Variants in NFIX observed in about 807,000 individuals in gnomAD.
NFIX encodes the protein nuclear factor I X, also known as nuclear factor 1 X-type.
NFIX carries 2 observed loss-of-function variants against 53.3 expected under a neutral mutation model. That is an observed-to-expected ratio of 0.04 (90% CI 0.02 to 0.12). The LOEUF is 0.12. Among genes scored for constraint, NFIX ranks in the 10% least tolerant of loss-of-function variants. The probability of loss-of-function intolerance (pLI) is 1.00; values close to 1 mark genes in which losing one functional copy is unlikely to be tolerated. For missense variants in NFIX, 310 were observed against 674.5 expected, an observed-to-expected ratio of 0.46 and a Z score of 5.99; for synonymous variants, 244 against 289.0, an observed-to-expected ratio of 0.84 and a Z score of 1.58.
rs554306175 is a variant in NFIX at position 13,045,722 on chromosome 19, C to A, written c.559+20170C>A. On this transcript the variant is annotated intron_variant, in intron 2 of 10. Coordinates refer to ENST00000592199, the MANE Select transcript of NFIX (RefSeq NM_001365902.3). This position sits in a 1 kb window ranked among gnomAD's most constrained non-coding sequence, Gnocchi z 4.4. ...ATGGCGGGCATCAGGGGACCACAGG[C>A]TGTGGTTGCGCCTGTCCGTTCTCCC... Among the ~76,000 whole-genome samples, 8 of 152,282 alleles carry A rather than the reference C, an allele frequency of 5.3e-5. No individual in the cohort carries two copies. Among genetic ancestry groups the A allele is most frequent in the Admixed American group, 3.3e-4 (5 of 15,304 alleles).
At chr19:13,023,600 G>GGTT (rs2013088366) in intron 1 of NFIX, among the ~76,000 whole-genome samples, 1 of 150,536 alleles carries the variant, frequency 6.6e-6, no homozygotes, top group African/African-American at 2.4e-5. Context: ...GTGGGAGGCT[G>GGTT]GTTTTGATTT....
intron 8 of NFIX, chr19:13,082,327 T>C (rs967217672): frequency 6.5e-6 from 1 of 154,384 alleles, no homozygotes; most frequent in African/African-American, 2.4e-5. Flanking sequence ...TGTTGAGCAA[T>C]ATCCCTGGCC....
intron 2 of NFIX, among the ~76,000 whole-genome samples, chr19:13,031,144 T>A (rs1422482112): frequency 6.6e-6 from 1 of 152,248 alleles, no homozygotes; most frequent in Non-Finnish European, 1.5e-5. Context: ...CCTGCTCTTG[T>A]CCCTTTTGTT....
chr19:13,081,800 T>C lies in NFIX; in HGVS notation c.1199T>C (p.Leu400Pro), dbSNP rs1433450905. 1.2e-6 allele frequency: 2 copies of C among 1,613,850 alleles called. No individual in the cohort carries two copies. Among genetic ancestry groups the C allele is most frequent in the Non-Finnish European group, 1.7e-6 (2 of 1,179,886 alleles). Residue 400 changes from leucine to proline, a missense_variant, in exon 8 of 11, where the codon CTG (leucine) becomes CCG (proline). Around this residue, in one of 5 missense-constraint regions of NFIX, gnomAD observed 35 missense variants for 114.8 expected, o/e 0.30. Transcript: ENST00000592199. This position sits in a 1 kb window ranked among gnomAD's most constrained non-coding sequence, Gnocchi z 4.7. ...RYHHHHGQDS[L>P]KEFVQFVCSD... Reference sequence around the variant, plus strand: ...CACCACCACCACGGGCAGGACTCACTGAAGGAGTTTGTGCAGTTTGTGTGC... The same window carrying C: ...CACCACCACCACGGGCAGGACTCACCGAAGGAGTTTGTGCAGTTTGTGTGC...
At chr19:13,092,072 G>A (rs569779957) in intron 10 of NFIX, among the ~76,000 whole-genome samples, 27 of 152,296 alleles carry the variant, frequency 1.8e-4, no homozygotes, top group African/African-American at 6.0e-4. Context: ...CTGGACAAGC[G>A]GAGCTGGAGC....
intron 2 of NFIX, among the ~76,000 whole-genome samples, chr19:13,056,418 G>T (rs2015696493): frequency 6.6e-6 from 1 of 152,188 alleles, no homozygotes; most frequent in Admixed American, 6.5e-5. Flanking sequence ...TGTGCAGAGG[G>T]CTTGGAGAGG....
chr19:13,053,847 GGTGT>G (rs2015479178), intron 2 of NFIX, among the ~76,000 whole-genome samples: 1 of 152,102 alleles, frequency 6.6e-6, no homozygotes, highest in African/African-American at 2.4e-5. Context: ...AGGAGGGGGT[GGTGT>G]GTGAGGACAG....
chr19:13,045,935 C>A lies in NFIX; in HGVS notation c.559+20383C>A, dbSNP rs1327261104. 6.6e-6 allele frequency among the ~76,000 whole-genome samples: 1 copy of A among 152,142 alleles called. No homozygotes were observed. Among genetic ancestry groups the A allele is most frequent in the Non-Finnish European group, 1.5e-5 (1 of 68,032 alleles). ...GGTGGGAGGAGTCCAGAGGAAGATA[C>A]GCAGAAATAGGAAGGGCTGACACTC... On this transcript the variant is annotated intron_variant, in intron 2 of 10. Transcript: ENST00000592199. This position sits in a 1 kb window ranked among gnomAD's most constrained non-coding sequence, Gnocchi z 4.4.
intron 6 of NFIX, among the ~76,000 whole-genome samples, chr19:13,076,470 A>G (rs926013921): frequency 6.6e-6 from 1 of 152,286 alleles, no homozygotes; most frequent in Non-Finnish European, 1.5e-5. Flanking sequence ...GTGTGTGTGC[A>G]TGTGCATGAG....
chr19:13,005,278 C>T lies in NFIX; in HGVS notation c.27+9414C>T, dbSNP rs1321875917. Among the ~76,000 whole-genome samples the T allele has an allele frequency of 6.6e-6, 1 of 152,262 alleles. No individual in the cohort carries two copies. Among genetic ancestry groups the T allele is most frequent in the African/African-American group, 2.4e-5 (1 of 41,470 alleles). On this transcript the variant is annotated intron_variant, in intron 1 of 10. Transcript: ENST00000592199. The surrounding 1 kb of genome is among the most constrained non-coding windows in gnomAD (Gnocchi z 4.7). The stretch of plus-strand genomic sequence containing the variant: ...CAAAATAAATGTTTGTCCTAAAAAT[C>T]GTAGCAACAGCTAATGTGAACTGTG...
rs1352883032 is a variant in NFIX, at chr19:13,081,138, A to G, written c.1079-542A>G. Among the ~76,000 whole-genome samples, 1 of 149,320 alleles carries G rather than the reference A, an allele frequency of 6.7e-6. No individual in the cohort carries two copies. The highest frequency in any genetic ancestry group is 1.5e-5 in the Non-Finnish European group (1 of 67,042). On this transcript the variant is annotated intron_variant, in intron 7 of 10. Coordinates refer to ENST00000592199, the MANE Select transcript of NFIX (RefSeq NM_001365902.3). The surrounding 1 kb of genome is among the most constrained non-coding windows in gnomAD (Gnocchi z 4.7). ...AATATGGCAAAATCTCATCTCTAGAAAAAAAAAAAAGCAAAAATCTACCAG... is the reference window on the plus strand; with the variant it reads ...AATATGGCAAAATCTCATCTCTAGAGAAAAAAAAAAGCAAAAATCTACCAG...
At position 13,072,478 on chromosome 19, in the gene NFIX, G is replaced by A. The variant is rs1388007822; in HGVS notation, c.560-569G>A. ...TAAAGGTGAGGTGGGGGAGGCGCAG[G>A]CAGACAGGAATGGCTTCAATTAACC... On this transcript the variant is annotated intron_variant, in intron 2 of 10. Transcript: ENST00000592199. This position sits in a 1 kb window ranked among gnomAD's most constrained non-coding sequence, Gnocchi z 4.0. Among the ~76,000 whole-genome samples the A allele has an allele frequency of 6.6e-6, 1 of 152,254 alleles. No individual in the cohort carries two copies. Among genetic ancestry groups the A allele is most frequent in the Non-Finnish European group, 1.5e-5 (1 of 68,046 alleles).
At chr19:13,054,236 A>C (rs1051664539) in intron 2 of NFIX, among the ~76,000 whole-genome samples, 21 of 151,762 alleles carry the variant, frequency 1.4e-4, no homozygotes, top group African/African-American at 4.8e-4. Context: ...TGGAGGTTCA[A>C]CTCCATCCCA....
In NFIX at chr19:13,078,212, A is replaced by T. The variant is rs2017228113; in HGVS notation, c.956-401A>T. Among the ~76,000 whole-genome samples, 1 of 148,764 alleles carries T rather than the reference A, an allele frequency of 6.7e-6. No individual in the cohort carries two copies. Among genetic ancestry groups the T allele is most frequent in the African/African-American group, 2.5e-5 (1 of 40,198 alleles). On this transcript the variant is annotated intron_variant, in intron 6 of 10. Transcript: ENST00000592199. This position sits in a 1 kb window ranked among gnomAD's most constrained non-coding sequence, Gnocchi z 4.7. The stretch of plus-strand genomic sequence containing the variant: ...ACCCCAGCCTGTCCCTCCCAAACTT[A>T]CCCCTTCCCGGCTCTCAAGCTGGCG...
chr19:13,017,721 T>C (rs1202851980), intron 1 of NFIX, among the ~76,000 whole-genome samples: 2 of 152,252 alleles, frequency 1.3e-5, no homozygotes, highest in East Asian at 3.8e-4. Flanking sequence ...TGGCCTTCTC[T>C]CTCGACTTCC....
rs2018349284 is a variant in NFIX at position 13,094,933 on chromosome 19, A to G, written c.*284A>G. ...CGACATGGACTCTGTCAAGTAGAGGACAGAAAGCAAGAAAGGATGCAGAAC... is the reference window on the plus strand; with the variant it reads ...CGACATGGACTCTGTCAAGTAGAGGGCAGAAAGCAAGAAAGGATGCAGAAC... On this transcript the variant is annotated 3_prime_UTR_variant, in exon 11 of 11. Coordinates refer to ENST00000592199, the MANE Select transcript of NFIX (RefSeq NM_001365902.3). This position sits in a 1 kb window ranked among gnomAD's most constrained non-coding sequence, Gnocchi z 4.3. The G allele has an allele frequency of 1.2e-5, 5 of 434,674 alleles. No homozygotes were observed. The highest frequency in any genetic ancestry group is 1.7e-5 in the Non-Finnish European group (4 of 239,542). The allele number at this position is 434,674 out of a possible 1,614,324, so 26.9% of individuals were successfully genotyped here. A position where few individuals can be genotyped will look rare whatever the true frequency, so the allele number is the denominator to read the frequency against.
rs972653814 is a variant in NFIX at position 13,002,783 on chromosome 19, C to A, written c.27+6919C>A. 2.6e-5 allele frequency among the ~76,000 whole-genome samples: 4 copies of A among 152,196 alleles called. No homozygotes were observed. Among genetic ancestry groups the A allele is most frequent in the Non-Finnish European group, 4.4e-5 (3 of 68,010 alleles). Reference sequence around the variant, plus strand: ...GGGTTGCACTGGGGAGCTCTCCCCCCACTGGGCCCCACCCTGAGGGGAGCC... The same window carrying A: ...GGGTTGCACTGGGGAGCTCTCCCCCAACTGGGCCCCACCCTGAGGGGAGCC... On this transcript the variant is annotated intron_variant, in intron 1 of 10. Transcript: ENST00000592199. This position sits in a 1 kb window ranked among gnomAD's most constrained non-coding sequence, Gnocchi z 6.1.
At position 13,078,609 on chromosome 19, in the gene NFIX, C is replaced by A. The variant is rs1046851486; in HGVS notation, c.956-4C>A. On this transcript the variant is annotated splice_region_variant and splice_polypyrimidine_tract_variant and intron_variant, in intron 6 of 10. Coordinates refer to ENST00000592199, the MANE Select transcript of NFIX (RefSeq NM_001365902.3). This position sits in a 1 kb window ranked among gnomAD's most constrained non-coding sequence, Gnocchi z 4.7. ...TGCCCTGTGTTGCTGCTTCCTCCCC[C>A]CAGGCCCGGCTTCTCTAAAGAAGTC... is the stretch of plus-strand genomic sequence containing the variant. 6 of 1,598,854 alleles carry A rather than the reference C, an allele frequency of 3.8e-6. No individual in the cohort carries two copies. Among genetic ancestry groups the A allele is most frequent in the Non-Finnish European group, 5.1e-6 (6 of 1,173,112 alleles).
chr19:13,081,946 C>T lies in NFIX; in HGVS notation c.1254+91C>T. On this transcript the variant is annotated intron_variant, in intron 8 of 10. Coordinates refer to ENST00000592199, the MANE Select transcript of NFIX (RefSeq NM_001365902.3). This position sits in a 1 kb window ranked among gnomAD's most constrained non-coding sequence, Gnocchi z 4.7. ...GGCTCACAGGGAGAGGGCCCAAAAG[C>T]CAGGAGCCCACCTGGGGCTGGAGCA... is the stretch of plus-strand genomic sequence containing the variant. 2 of 1,487,046 alleles carry T rather than the reference C, an allele frequency of 1.3e-6. No individual in the cohort carries two copies. The highest frequency in any genetic ancestry group is 1.8e-6 in the Non-Finnish European group (2 of 1,091,134). The allele number at this position is 1,487,046 out of a possible 1,614,324, so 92.1% of individuals were successfully genotyped here.
Sources: allele counts gnomAD v4.1 joint callset (sites outside exome capture counted in the v4.1 genomes callset), GRCh38; gene constraint gnomAD v4.1.1; regional missense constraint gnomAD v4.1.1; non-coding constraint Gnocchi (gnomAD v3.1); transcripts MANE v1.5; gene names NCBI Gene and HGNC (gene_info 2026-07-23, HGNC 2026-07-21).